The following IL1B variants were observed in gnomAD, a reference collection of about 807,000 sequenced individuals.
IL1B encodes interleukin 1 beta, also known as interleukin-1 beta.
IL1B carries 11 observed loss-of-function variants against 26.2 expected under a neutral mutation model. The observed-to-expected ratio is 0.42, with a 90% CI of 0.26 to 0.70. The LOEUF (loss-of-function observed/expected upper bound fraction) is 0.70. IL1B is among the 30% of genes least tolerant of loss of function. IL1B has a pLI of 0.25. For missense variants in IL1B, 255 were observed against 327.5 expected (o/e 0.78, Z 1.71); for synonymous variants, 118 against 120.8 (o/e 0.98, Z 0.15).
intron 4 of IL1B, 168 bp from the exon 5 acceptor site, chr2:112,832,994 A>C (rs1573277912): frequency 1.6e-5 from 11 of 693,902 alleles, no homozygotes. Flanking sequence ...AGAACACTGG[A>C]CCTGACACTA....
chr2:112,833,181 C>A, intron 4 of IL1B, 193 bp downstream of exon 4: 1 of 655,326 alleles, frequency 1.5e-6, no homozygotes, highest in South Asian at 1.7e-5. Context: ...TGTCAGTAGC[C>A]ATCAAGATCT....
intron 5 of IL1B, 54 bp downstream of exon 5, chr2:112,832,608 G>C: frequency 1.3e-6 from 2 of 1,553,532 alleles, no homozygotes; most frequent in Non-Finnish European, 1.8e-6. Flanking sequence ...AAAACATGGA[G>C]AATTAGCAAG....
chr2:112,834,202 A>T (rs1470960045), intron 3 of IL1B, among the ~76,000 whole-genome samples: 1 of 152,108 alleles, frequency 6.6e-6, no homozygotes, highest in African/African-American at 2.4e-5. Context: ...TTTTTTGTAC[A>T]TGCCCCACCT....
chr2:112,831,086 A>G (rs1681979215), intron 6 of IL1B: 3 of 585,698 alleles, frequency 5.1e-6, no homozygotes, highest in Admixed American at 2.4e-5. Context: ...ACATAATAAC[A>G]TCGGCAAAAT....
chr2:112,833,437 G>A lies in IL1B; in HGVS notation c.238C>T (p.Pro80Ser), dbSNP rs1402971251. ...AMDKLRKMLV[P>S]CPQTFQENDL... ...TTCTCCTGGAAGGTCTGTGGGCAGG[G>A]AACCAGCATCTTCCTCAGCTTGTCC... Residue 80 changes from proline (P) to serine (S), a missense_variant, in exon 4 of 7, where the codon CCC becomes TCC. Physicochemically the swap from Pro to Ser is moderately conservative, Grantham distance 74. Coordinates refer to ENST00000263341, the MANE Select transcript of IL1B (RefSeq NM_000576.3). 1 of 1,614,196 alleles carries A rather than the reference G, an allele frequency of 6.2e-7. No homozygotes were observed. Among genetic ancestry groups the A allele is most frequent in the Non-Finnish European group, 8.5e-7 (1 of 1,180,038 alleles).
chr2:112,830,884 TTA>T (rs1339829390), intron 6 of IL1B, among the ~76,000 whole-genome samples: 1 of 152,142 alleles, frequency 6.6e-6, no homozygotes, highest in Non-Finnish European at 1.5e-5. Flanking sequence ...GTATTTTTCC[TTA>T]TGGTCCTAGA....
chr2:112,835,510 A>G, intron 3 of IL1B, 56 bp downstream of exon 3: 1 of 1,425,210 alleles, frequency 7.0e-7, no homozygotes, highest in Non-Finnish European at 9.9e-7. Flanking sequence ...CCCTTCTTTG[A>G]GCTTTCCCTG....
At position 112,831,418 on chromosome 2, in the gene IL1B, C is replaced by G; in HGVS notation, c.471G>C (p.Val157=). The change falls in exon 6 of 7, where the codon GTG becomes GTC. Residue 157 remains valine (V), a synonymous_variant. Coordinates refer to ENST00000263341, the MANE Select transcript of IL1B (RefSeq NM_000576.3). ...CTCCTTGTACAAAGGACATGGAGAA[C>G]ACCACTGAAGAAAGAAGGGGGTCTT... ...LQGQDMEQQV[V]FSMSFVQGEE... 1.2e-6 allele frequency: 2 copies of G among 1,613,494 alleles called. No individual in the cohort carries two copies. The highest frequency in any genetic ancestry group is 1.1e-5 in the South Asian group (1 of 91,012).
At chr2:112,832,994 A>G in intron 4 of IL1B, 168 bp from the exon 5 acceptor site, 1 of 693,902 alleles carries the variant, frequency 1.4e-6, no homozygotes, top group East Asian at 2.7e-5. Flanking sequence ...AGAACACTGG[A>G]CCTGACACTA....
intron 1 of IL1B, 66 bp from the exon 2 acceptor site, chr2:112,836,310 G>A: frequency 1.9e-6 from 2 of 1,080,204 alleles, no homozygotes; most frequent in Non-Finnish European, 2.9e-6. Context: ...ATTTCTCTCA[G>A]CATCCAGTGC....
chr2:112,833,299 A>G, intron 4 of IL1B, 75 bp downstream of exon 4: 1 of 1,405,576 alleles, frequency 7.1e-7, no homozygotes, highest in Non-Finnish European at 1.0e-6. Flanking sequence ...GCTCTGGGGG[A>G]ATTGAGTTGG....
rs2104933732 is a variant in IL1B at position 112,830,299 on chromosome 2, T to G, written c.*62A>C. The G allele has an allele frequency of 1.4e-6, 2 of 1,432,870 alleles. No homozygotes were observed. Among genetic ancestry groups the G allele is most frequent in the East Asian group, 4.5e-5 (2 of 44,006 alleles). 88.8% of individuals were successfully genotyped at this position (1,432,870 alleles called of 1,614,324 possible). A position where few individuals can be genotyped will look rare whatever the true frequency, so the allele number is the denominator to read the frequency against. On this transcript the variant is annotated 3_prime_UTR_variant, in exon 7 of 7. Transcript: ENST00000263341. ...CGTACTCAAAAACCTTTCTGTTCCC[T>G]TTCTGCCAGCCCTAGGGATTGAGTC...
chr2:112,836,279 T>C, intron 1 of IL1B, 35 bp from the exon 2 acceptor site: 1 of 1,483,606 alleles, frequency 6.7e-7, no homozygotes, highest in Non-Finnish European at 9.4e-7. Flanking sequence ...GACTTCCCCA[T>C]GACGGCTACG....
At chr2:112,833,277 T>G in intron 4 of IL1B, 97 bp downstream of exon 4, 2 of 1,206,854 alleles carry the variant, frequency 1.7e-6, no homozygotes, top group Admixed American at 1.8e-5. Flanking sequence ...CTTCTACCTT[T>G]AAAGGGCTTT....
intron 3 of IL1B, among the ~76,000 whole-genome samples, chr2:112,834,207 C>A (rs1046696266): frequency 3.3e-5 from 5 of 152,038 alleles, no homozygotes; most frequent in Admixed American, 1.3e-4. Flanking sequence ...TGTACATGCC[C>A]CACCTACACC....
At chr2:112,836,619 G>C (rs1682099622) in intron 1 of IL1B, 89 bp downstream of exon 1, 1 of 285,566 alleles carries the variant, frequency 3.5e-6, no homozygotes, top group Non-Finnish European at 7.0e-6. Context: ...AAGAAAGAGA[G>C]AGAGAGAGAG....
chr2:112,835,369 A>G (rs748871679), intron 3 of IL1B, 197 bp downstream of exon 3: 12 of 638,140 alleles, frequency 1.9e-5, no homozygotes, highest in Non-Finnish European at 3.2e-5. Flanking sequence ...ACCACCACCA[A>G]CGTTAGTGAG....
rs1681959046 is a variant in IL1B at position 112,830,496 on chromosome 2, CTTG to C, written c.672_674del (p.Asn224del). The stretch of plus-strand genomic sequence containing the variant: ...GGAACTGGGCAGACTCAAATTCCAG[CTTG>C]TTATTGATTTCTATCTTGTTGAAGA... On this transcript the variant is annotated inframe_deletion, in exon 7 of 7. Coordinates refer to ENST00000263341, the MANE Select transcript of IL1B (RefSeq NM_000576.3). 6.2e-7 allele frequency: 1 copy of C among 1,613,870 alleles called. No individual in the cohort carries two copies. Among genetic ancestry groups the C allele is most frequent in the Non-Finnish European group, 8.5e-7 (1 of 1,179,980 alleles).
Position 112,832,812 on chromosome 2 carries a change from C to A in IL1B, c.316G>T (p.Asp106Tyr). 6.2e-7 allele frequency: 1 copy of A among 1,614,044 alleles called. No individual in the cohort carries two copies. The highest frequency in any genetic ancestry group is 1.1e-5 in the South Asian group (1 of 91,068). The part of the protein sequence containing the change: ...FIFEEEPIFF[D>Y]TWDNEAYVHD... ...ACATAAGCCTCGTTATCCCATGTGT[C>A]GAAGAAGATAGGTTCTGAAATGTGG... Residue 106 changes from aspartate (D) to tyrosine (Y), a missense_variant, in exon 5 of 7, where the codon GAC becomes TAC. Asp to Tyr is a radical substitution (Grantham distance 160). Coordinates refer to ENST00000263341, the MANE Select transcript of IL1B (RefSeq NM_000576.3).
Sources: gnomAD v4.1 joint callset for allele counts (sites outside exome capture counted in the v4.1 genomes callset) on GRCh38, gnomAD v4.1.1 for gene constraint, MANE v1.5 for transcripts, NCBI Gene and HGNC (gene_info 2026-07-23, HGNC 2026-07-21) for gene names.